The following MEFV variants were observed in gnomAD, a reference collection of about 807,000 sequenced individuals.
The protein encoded by MEFV is pyrin.
MEFV carries 60 observed loss-of-function variants against 62.5 expected under a neutral mutation model. That is an observed-to-expected ratio of 0.96 (90% CI 0.78 to 1.19). MEFV has a LOEUF of 1.19. Among genes scored for constraint, MEFV ranks in the 50% most tolerant of loss-of-function variants. The pLI is 0.00. For synonymous variants in MEFV, 500 were observed against 415.2 expected (o/e 1.20, Z -2.48); for missense variants, 1,169 against 1,004.5 (o/e 1.16, Z -2.21).
At position 3,256,328 on chromosome 16, in the gene MEFV, T is replaced by G; in HGVS notation, c.260A>C (p.His87Pro). The part of the protein sequence containing the change: ...INQRLLAEEL[H>P]RAAIQEYSTQ... The stretch of plus-strand genomic sequence containing the variant: ...CCGCTTACCCTGAATGGCTGCCCTG[T>G]GGAGCTCCTCGGCCAGCAGGCGCTG... Residue 87 changes from histidine to proline, a missense_variant, in exon 1 of 10, where the codon CAC becomes CCC. Coordinates refer to ENST00000219596, the MANE Select transcript of MEFV (RefSeq NM_000243.3). 1 of 1,613,870 alleles carries G rather than the reference T, an allele frequency of 6.2e-7. No individual in the cohort carries two copies. The highest frequency in any genetic ancestry group is 8.5e-7 in the Non-Finnish European group (1 of 1,179,992).
chr16:3,254,592 C>A lies in MEFV; in HGVS notation c.476G>T (p.Ser159Ile). The change falls in exon 2 of 10, where the codon AGC becomes ATC. Residue 159 changes from serine (S) to isoleucine (I), a missense_variant. Ser to Ile is a moderately radical substitution (Grantham distance 142). Coordinates refer to ENST00000219596, the MANE Select transcript of MEFV (RefSeq NM_000243.3). ...CTCCGAGGCCTTCTCTCTGCGTTTGCTCAGGGGCTTCCTCGACAGCCCCCT... is the reference window on the plus strand; with the variant it reads ...CTCCGAGGCCTTCTCTCTGCGTTTGATCAGGGGCTTCCTCGACAGCCCCCT... ...AGRGLSRKPLSKRREKASEGL... is the reference protein window; with the variant it reads ...AGRGLSRKPLIKRREKASEGL... The A allele has an allele frequency of 6.3e-7, 1 of 1,595,034 alleles. No homozygotes were observed.
Position 3,244,550 on chromosome 16 carries a change from G to A in MEFV, c.1649C>T (p.Pro550Leu). ...TVPVPEKWTT[P>L]QEIKQKIQLL... is the part of the protein sequence containing the mutation. ...TTGGATCTTTTGTTTTATCTCTTGAGGAGTGGTCCACTTTTCAGGGACAGG... is the reference window on the plus strand; with the variant it reads ...TTGGATCTTTTGTTTTATCTCTTGAAGAGTGGTCCACTTTTCAGGGACAGG... Residue 550 changes from proline (P) to leucine (L), a missense_variant, in exon 7 of 10, where the codon CCT (proline) becomes CTT (leucine). By Grantham distance (98) the Pro-to-Leu change is moderately conservative. Coordinates refer to ENST00000219596, the MANE Select transcript of MEFV (RefSeq NM_000243.3). 6.2e-7 allele frequency: 1 copy of A among 1,614,108 alleles called. No homozygotes were observed. The highest frequency in any genetic ancestry group is 1.7e-4 in the Middle Eastern group (1 of 6,020).
At position 3,244,244 on chromosome 16, in the gene MEFV, C is replaced by T. The variant is rs1958905614; in HGVS notation, c.1759+10G>A. On this transcript the variant is annotated intron_variant, in intron 8 of 9. Coordinates refer to ENST00000219596, the MANE Select transcript of MEFV (RefSeq NM_000243.3). ...CCCAGGCCAGCACACACCATTACCG[C>T]TGGACTCACCATTGAACATTTCCAT... The T allele has an allele frequency of 2.5e-6, 4 of 1,613,906 alleles. No homozygotes were observed. The highest frequency in any genetic ancestry group is 1.3e-5 in the African/African-American group (1 of 74,868).
Position 3,242,170 on chromosome 16 carries a change from C to A in MEFV, c.*971G>T. 4.1e-6 allele frequency: 1 copy of A among 242,648 alleles called. No homozygotes were observed. 15.0% of individuals were successfully genotyped at this position (242,648 alleles called of 1,614,324 possible). A position where few individuals can be genotyped will look rare whatever the true frequency, so the allele number is the denominator to read the frequency against. On this transcript the variant is annotated 3_prime_UTR_variant, in exon 10 of 10. Coordinates refer to ENST00000219596, the MANE Select transcript of MEFV (RefSeq NM_000243.3). ...CTGAGGTCAGGAGTTTGAGACCGGC[C>A]TGGCCAACATGATGAAACCTCATGT... is the stretch of plus-strand genomic sequence containing the variant.
chr16:3,247,435 G>T, intron 4 of MEFV, 189 bp from the exon 5 acceptor site: 2 of 602,878 alleles, frequency 3.3e-6, no homozygotes, highest in Non-Finnish European at 5.9e-6. Flanking sequence ...GCATGGCTGG[G>T]GCTAGCTCTG....
At chr16:3,253,164 G>C (rs1489995300) in intron 2 of MEFV, among the ~76,000 whole-genome samples, 6 of 151,952 alleles carry the variant, frequency 3.9e-5, no homozygotes, top group South Asian at 2.1e-4. Flanking sequence ...ACCAGAGGAA[G>C]TTAAGATCAG....
intron 6 of MEFV, 167 bp downstream of exon 6, chr16:3,246,358 T>C: frequency 6.7e-6 from 5 of 741,158 alleles, no homozygotes; most frequent in Non-Finnish European, 1.1e-5. Flanking sequence ...GATGCCCTTC[T>C]CCCTATCAAA....
rs536677123 is a variant in MEFV at position 3,249,691 on chromosome 16, A to G, written c.1000T>C (p.Phe334Leu). 1.2e-6 allele frequency: 2 copies of G among 1,613,052 alleles called. No homozygotes were observed. The highest frequency in any genetic ancestry group is 1.3e-5 in the African/African-American group (1 of 75,026). Residue 334 changes from phenylalanine (F) to leucine (L), a missense_variant, in exon 3 of 10, where the codon TTC (phenylalanine) becomes CTC (leucine). Phe to Leu is a conservative substitution (Grantham distance 22). Coordinates refer to ENST00000219596, the MANE Select transcript of MEFV (RefSeq NM_000243.3). The part of the protein sequence containing the change: ...DGTCVRDSCS[F>L]PEAVSGHPQA... ...GGGTGCCCAGAAACTGCCTCGGGGA[A>G]GCTGCAGGAATCACGCACACAGGTA...
intron 5 of MEFV, 26 bp downstream of exon 5, chr16:3,246,990 A>G (rs753021851): frequency 1.2e-5 from 19 of 1,609,644 alleles, no homozygotes; most frequent in Non-Finnish European, 1.5e-5. Context: ...AGGGGACCCA[A>G]GAAAGCCGGG....
At chr16:3,250,269 GAATA>G (rs1959012891) in intron 2 of MEFV, among the ~76,000 whole-genome samples, 2 of 152,294 alleles carry the variant, frequency 1.3e-5, no homozygotes, top group East Asian at 1.9e-4. Flanking sequence ...TTGAATGAAG[GAATA>G]AATAGACCAC....
chr16:3,251,023 C>CAAAAAA (rs58529756), intron 2 of MEFV, among the ~76,000 whole-genome samples: 224 of 48,378 alleles, frequency 4.6e-3, no homozygotes, highest in Middle Eastern at 0.011. Flanking sequence ...GACTCCATCT[C>CAAAAAA]AAAAAAAAAA....
intron 1 of MEFV, among the ~76,000 whole-genome samples, chr16:3,255,872 C>T (rs1959108785): frequency 6.6e-6 from 1 of 151,850 alleles, no homozygotes; most frequent in African/African-American, 2.4e-5. Flanking sequence ...GAGGCTGAGG[C>T]GGGAGGATCA....
Position 3,256,320 on chromosome 16 carries a change from C to G in MEFV, c.268G>C (p.Ala90Pro), listed in dbSNP as rs376971129. Residue 90 changes from alanine to proline, a missense_variant, in exon 1 of 10, where the codon GCC becomes CCC. Ala to Pro is a conservative substitution (Grantham distance 27, BLOSUM62 -1). Coordinates refer to ENST00000219596, the MANE Select transcript of MEFV (RefSeq NM_000243.3). ...GCCTGGGCCCGCTTACCCTGAATGG[C>G]TGCCCTGTGGAGCTCCTCGGCCAGC... Reference protein sequence around the residue: ...RLLAEELHRAAIQEYSTQENG... With the variant: ...RLLAEELHRAPIQEYSTQENG... 4 of 1,613,798 alleles carry G rather than the reference C, an allele frequency of 2.5e-6. No homozygotes were observed. The highest frequency in any genetic ancestry group is 3.4e-6 in the Non-Finnish European group (4 of 1,179,976).
Position 3,254,801 on chromosome 16 carries a change from A to C in MEFV, c.278-11T>G. ...CTTGTGTGGAATATTCTGGAAGGACAACCAGATGCAAAATGATGAAGCTGT... is the reference window on the plus strand; with the variant it reads ...CTTGTGTGGAATATTCTGGAAGGACCACCAGATGCAAAATGATGAAGCTGT... On this transcript the variant is annotated splice_polypyrimidine_tract_variant and intron_variant, in intron 1 of 9. Coordinates refer to ENST00000219596, the MANE Select transcript of MEFV (RefSeq NM_000243.3). The C allele has an allele frequency of 1.2e-6, 2 of 1,610,098 alleles. No homozygotes were observed. The highest frequency in any genetic ancestry group is 1.7e-6 in the Non-Finnish European group (2 of 1,179,980).
At chr16:3,249,093 G>A in intron 3 of MEFV, 89 bp from the exon 4 acceptor site, 2 of 1,326,892 alleles carry the variant, frequency 1.5e-6, no homozygotes, top group Non-Finnish European at 2.2e-6. Flanking sequence ...TCTCCTTCTG[G>A]TAGCAAGGCT....
At position 3,249,758 on chromosome 16, in the gene MEFV, C is replaced by T. The variant is rs774547197; in HGVS notation, c.933G>A (p.Ala311=). The T allele has an allele frequency of 2.8e-5, 45 of 1,613,982 alleles. No homozygotes were observed. In the East Asian group the frequency reaches 8.7e-4, roughly 31 times the overall value. ...SVTGRPPDTA[A]SPRCHAQEGD... ...CTTCCTGGGCGTGGCAGCGGGGACTCGCAGCCGTGTCTGGTGGCCTTCCTG... is the reference window on the plus strand; with the variant it reads ...CTTCCTGGGCGTGGCAGCGGGGACTTGCAGCCGTGTCTGGTGGCCTTCCTG... The change falls in exon 3 of 10, where the codon GCG becomes GCA. Residue 311 remains alanine, a synonymous_variant. Coordinates refer to ENST00000219596, the MANE Select transcript of MEFV (RefSeq NM_000243.3).
Position 3,243,019 on chromosome 16 carries a change from T to C in MEFV, c.*122A>G. 1 of 1,154,084 alleles carries C rather than the reference T, an allele frequency of 8.7e-7. No homozygotes were observed. The highest frequency in any genetic ancestry group is 1.3e-6 in the Non-Finnish European group (1 of 788,200). The allele number at this position is 1,154,084 out of a possible 1,614,324, so 71.5% of individuals were successfully genotyped here. ...AATCGGGTAGGCTCCGTGGGCACAG[T>C]AACTATTTTGTTATTTTTGCATTTC... On this transcript the variant is annotated 3_prime_UTR_variant, in exon 10 of 10. Coordinates refer to ENST00000219596, the MANE Select transcript of MEFV (RefSeq NM_000243.3).
chr16:3,250,772 T>C (rs2238405), intron 2 of MEFV, among the ~76,000 whole-genome samples: 2,439 of 151,042 alleles, frequency 0.016, 47 homozygotes, highest in East Asian at 0.077. Context: ...ACGCCTGTAA[T>C]CCCAGCACTT....
At position 3,243,692 on chromosome 16, in the gene MEFV, T is replaced by C. The variant is rs104895210; in HGVS notation, c.1795A>G (p.Asn599Asp). 5.9e-5 allele frequency: 95 copies of C among 1,610,528 alleles called. 7 individuals carry two copies. In the African/African-American group the frequency reaches 1.2e-3, roughly 20 times the overall value. ...ELIGAQAHAV[N>D]VILDAETAYP... ...GCGGTTTCTGCATCCAGAATCACAT[T>C]AACTGCAAAGAAAATTTGAATACCT... Residue 599 changes from asparagine (N) to aspartate (D), a missense_variant and splice_region_variant, in exon 10 of 10, where the codon AAT becomes GAT. Transcript: ENST00000219596.
Sources: allele counts gnomAD v4.1 joint callset (sites outside exome capture counted in the v4.1 genomes callset), GRCh38; gene constraint gnomAD v4.1.1; transcripts MANE v1.5; gene names NCBI Gene and HGNC (gene_info 2026-07-23, HGNC 2026-07-21).